MBD5: variants seen among roughly 807,000 people sequenced by gnomAD.
MBD5 encodes the protein methyl-CpG-binding domain protein 5.
MBD5 carries 13 observed loss-of-function variants against 117.3 expected under a neutral mutation model. That is an observed-to-expected ratio of 0.11 (90% CI 0.07 to 0.18). The LOEUF (loss-of-function observed/expected upper bound fraction) is 0.18, where lower values mean the gene tolerates loss of function less well. MBD5 is among the 10% of genes least tolerant of loss of function. The probability of loss-of-function intolerance (pLI) is 1.00; values close to 1 mark genes in which losing one functional copy is unlikely to be tolerated. For missense variants in MBD5, 1,879 were observed against 2,093.8 expected (o/e 0.90, Z 2.00); for synonymous variants, 727 against 766.4 (o/e 0.95, Z 0.85).
chr2:148,085,447 G>A (rs1206861298), intron 1 of MBD5, among the ~76,000 whole-genome samples: 2 of 152,090 alleles, frequency 1.3e-5, no homozygotes, highest in Non-Finnish European at 2.9e-5. Flanking sequence ...TGGAGCGGCC[G>A]GGCGCGGTGG....
chr2:148,164,928 GGAA>G (rs1199910655), intron 1 of MBD5, among the ~76,000 whole-genome samples: 12 of 152,138 alleles, frequency 7.9e-5, no homozygotes, highest in Non-Finnish European at 1.8e-4. Context: ...GTAATTTAGA[GGAA>G]GAAGCTTACA....
intron 1 of MBD5, chr2:148,025,976 A>C (rs1693881088): frequency 6.6e-6 from 1 of 152,200 alleles, no homozygotes; most frequent in South Asian, 2.1e-4. Context: ...TTCATGTGTA[A>C]TCGAAAAGTA....
At chr2:148,143,036 A>G (rs939610001) in intron 1 of MBD5, among the ~76,000 whole-genome samples, 21 of 152,218 alleles carry the variant, frequency 1.4e-4, no homozygotes, top group Admixed American at 1.2e-3. Context: ...AGAAATGGCA[A>G]TTATACGGAT....
chr2:148,285,053 T>C (rs1701338917), intron 3 of MBD5, among the ~76,000 whole-genome samples: 2 of 152,226 alleles, frequency 1.3e-5, no homozygotes, highest in African/African-American at 4.8e-5. Context: ...AGCAGCTGTC[T>C]GGTCCTTCTT....
At chr2:148,087,604 C>T (rs1040979457) in intron 1 of MBD5, among the ~76,000 whole-genome samples, 15 of 152,180 alleles carry the variant, frequency 9.9e-5, no homozygotes, top group East Asian at 1.9e-4. Flanking sequence ...TGGCTAGACC[C>T]GGAAGAGTGA....
chr2:148,131,191 C>G (rs899537332), intron 1 of MBD5, among the ~76,000 whole-genome samples: 1 of 152,130 alleles, frequency 6.6e-6, no homozygotes, highest in Non-Finnish European at 1.5e-5. Flanking sequence ...ATTTTCCTGT[C>G]TTCACAAACA....
intron 4 of MBD5, among the ~76,000 whole-genome samples, chr2:148,457,112 A>G (rs1424245909): frequency 6.6e-6 from 1 of 152,194 alleles, no homozygotes; most frequent in African/African-American, 2.4e-5. Flanking sequence ...TGTGTTTTAA[A>G]ATGATTTCAA....
At chr2:148,322,185 A>G (rs565914364) in intron 3 of MBD5, among the ~76,000 whole-genome samples, 39 of 152,352 alleles carry the variant, frequency 2.6e-4, no homozygotes, top group Admixed American at 2.2e-3. Context: ...GGTATACAAC[A>G]CTGATGGTAA....
At chr2:148,428,890 C>T (rs573516869) in intron 4 of MBD5, among the ~76,000 whole-genome samples, 2 of 152,224 alleles carry the variant, frequency 1.3e-5, no homozygotes, top group South Asian at 2.1e-4. Flanking sequence ...ACCATAAAAA[C>T]GCTAGAAGAA....
chr2:148,447,353 A>G (rs941571587), intron 4 of MBD5, among the ~76,000 whole-genome samples: 1 of 152,122 alleles, frequency 6.6e-6, no homozygotes, highest in Non-Finnish European at 1.5e-5. Context: ...CAATTTCCTT[A>G]GGAAAGTTAC....
At position 148,513,819 on chromosome 2, in the gene MBD5, T is replaced by C. The variant is rs1682283807; in HGVS notation, c.*878T>C. On this transcript the variant is annotated 3_prime_UTR_variant, in exon 14 of 14. Coordinates refer to ENST00000642680, the MANE Select transcript of MBD5 (RefSeq NM_001378120.1). The stretch of plus-strand genomic sequence containing the variant: ...GTAGTTAACATTTGATAGCCACCTG[T>C]TGAAGCAGATAGCTTATACTGACTG... 1 of 152,234 alleles carries C rather than the reference T, an allele frequency of 6.6e-6. No individual in the cohort carries two copies. Among genetic ancestry groups the C allele is most frequent in the Non-Finnish European group, 1.5e-5 (1 of 68,028 alleles). The allele number at this position is 152,234 out of a possible 1,614,324, so 9.4% of individuals were successfully genotyped here.
chr2:148,144,468 A>G (rs1399804518), intron 1 of MBD5, among the ~76,000 whole-genome samples: 2 of 152,080 alleles, frequency 1.3e-5, no homozygotes, highest in African/African-American at 4.8e-5. Flanking sequence ...CCCATTTGTC[A>G]ATTTTGGCTT....
chr2:148,066,024 C>T (rs1432471218), intron 1 of MBD5, among the ~76,000 whole-genome samples: 1 of 152,130 alleles, frequency 6.6e-6, no homozygotes, highest in Non-Finnish European at 1.5e-5. Context: ...ATTTTAAATG[C>T]CATTGTTGGG....
chr2:148,046,886 C>T (rs1177513884), intron 1 of MBD5, among the ~76,000 whole-genome samples: 63 of 152,182 alleles, frequency 4.1e-4, no homozygotes, highest in Non-Finnish European at 2.9e-5. Context: ...ATCCTATTTT[C>T]AATCTGAAGT....
At chr2:148,344,112 T>A (rs1345914849) in intron 4 of MBD5, among the ~76,000 whole-genome samples, 1 of 152,146 alleles carries the variant, frequency 6.6e-6, no homozygotes, top group Non-Finnish European at 1.5e-5. Flanking sequence ...TTGTCAAAGA[T>A]TAGATGGCTG....
chr2:148,338,551 C>G (rs1244871085), intron 3 of MBD5, among the ~76,000 whole-genome samples: 1 of 152,130 alleles, frequency 6.6e-6, no homozygotes, highest in East Asian at 1.9e-4. Flanking sequence ...GATACCTGTC[C>G]TCTCTCAAAG....
At chr2:148,394,869 AC>A (rs776191061) in intron 4 of MBD5, among the ~76,000 whole-genome samples, 1 of 151,728 alleles carries the variant, frequency 6.6e-6, no homozygotes, top group Non-Finnish European at 1.5e-5. Context: ...CTTTCTTCTA[AC>A]TCCTATATCA....
chr2:148,053,579 T>A (rs1487125627), intron 1 of MBD5, among the ~76,000 whole-genome samples: 2 of 152,044 alleles, frequency 1.3e-5, no homozygotes, highest in African/African-American at 4.8e-5. Context: ...TATAGTCTAT[T>A]TATCTTTAAC....
At chr2:148,127,308 G>A (rs1223318665) in intron 1 of MBD5, among the ~76,000 whole-genome samples, 1 of 152,112 alleles carries the variant, frequency 6.6e-6, no homozygotes, top group African/African-American at 2.4e-5. Context: ...CGTGTGCCAT[G>A]GTGGTTTGCT....
Sources: gnomAD v4.1 joint callset for allele counts (sites outside exome capture counted in the v4.1 genomes callset) on GRCh38, gnomAD v4.1.1 for gene constraint, MANE v1.5 for transcripts, NCBI Gene and HGNC (gene_info 2026-07-23, HGNC 2026-07-21) for gene names.